The following SYNE2 variants were observed in gnomAD, a reference collection of about 807,000 sequenced individuals.
The protein encoded by SYNE2 is nesprin-2.
In SYNE2, 431 loss-of-function variants were observed where a neutral mutation model predicts 856.3. The ratio of observed to expected loss-of-function variants is 0.50; its 90% CI spans 0.47 to 0.55. SYNE2 has a LOEUF of 0.55. SYNE2 is among the 20% of genes least tolerant of loss of function. The probability of loss-of-function intolerance (pLI) is 0.00; values close to 1 mark genes in which losing one functional copy is unlikely to be tolerated. For missense variants in SYNE2, 8,129 were observed against 8,023.2 expected (o/e 1.01, Z -0.50); for synonymous variants, 2,923 against 2,872.3 (o/e 1.02, Z -0.56).
At chr14:63,833,794 TTTAAG>T (rs1311537853) in intron 1 of SYNE2, among the ~76,000 whole-genome samples, 7 of 152,224 alleles carry the variant, frequency 4.6e-5, no homozygotes, top group Non-Finnish European at 8.8e-5. Flanking sequence ...AAAAAATAAT[TTTAAG>T]TTGATTCATA....
intron 29 of SYNE2, 145 bp from the exon 30 acceptor site, chr14:64,002,575 T>G: frequency 1.2e-6 from 1 of 847,308 alleles, no homozygotes; most frequent in Non-Finnish European, 1.8e-6. Flanking sequence ...TTAAAATGTT[T>G]CCTTAGGTAG....
chr14:63,899,013 T>G (rs1010379562), intron 1 of SYNE2, among the ~76,000 whole-genome samples: 13 of 152,184 alleles, frequency 8.5e-5, no homozygotes. Context: ...ATTAAACAAT[T>G]AAAAGTTAAT....
rs143953516 is a variant in SYNE2, at chr14:63,822,584, G to A, written c.-304-29917G>A. ...AAAAACAATTAAAAAGGAAAACTGTGGAATGAGATGTTCATGTGAAAATTT... is the reference window on the plus strand; with the variant it reads ...AAAAACAATTAAAAAGGAAAACTGTAGAATGAGATGTTCATGTGAAAATTT... On this transcript the variant is annotated intron_variant, in intron 1 of 23. Transcript: ENST00000674003. Among the ~76,000 whole-genome samples, 4 of 152,254 alleles carry A rather than the reference G, an allele frequency of 2.6e-5. No individual in the cohort carries two copies. The East Asian group carries it at 7.7e-4, about 29-fold the overall frequency.
chr14:63,761,996 T>G, intron 1 of SYNE2: 1 of 436,138 alleles, frequency 2.3e-6, no homozygotes. Context: ...GGTAATAGGT[T>G]TTGACAAGTT....
At chr14:63,826,975 T>C (rs1889453182) in intron 1 of SYNE2, among the ~76,000 whole-genome samples, 1 of 152,100 alleles carries the variant, frequency 6.6e-6, no homozygotes, top group Non-Finnish European at 1.5e-5. Flanking sequence ...TTAGTATCCT[T>C]AATATATAAA....
At chr14:63,800,181 G>A (rs8005553) in intron 1 of SYNE2, among the ~76,000 whole-genome samples, 96,135 of 152,062 alleles carry the variant, frequency 0.63, 30,858 homozygotes, top group South Asian at 0.75. Flanking sequence ...GAGGATGAAA[G>A]GCAATTAGTC....
chr14:64,206,851 C>A (rs1181007207), intron 100 of SYNE2, among the ~76,000 whole-genome samples: 1 of 152,086 alleles, frequency 6.6e-6, no homozygotes, highest in Non-Finnish European at 1.5e-5. Context: ...TATTTTAATA[C>A]CAGTATTAGG....
At chr14:63,773,803 A>T (rs1339442708) in intron 1 of SYNE2, among the ~76,000 whole-genome samples, 2 of 152,192 alleles carry the variant, frequency 1.3e-5, no homozygotes, top group African/African-American at 4.8e-5. Flanking sequence ...TTTTACATGA[A>T]AAGTGCAGAT....
intron 60 of SYNE2, among the ~76,000 whole-genome samples, chr14:64,092,053 A>G (rs2097622475): frequency 6.6e-6 from 1 of 152,238 alleles, no homozygotes; most frequent in Non-Finnish European, 1.5e-5. Flanking sequence ...TGTAACACCT[A>G]CAGAGAGAAA....
intron 1 of SYNE2, among the ~76,000 whole-genome samples, chr14:63,821,678 G>C (rs1401464363): frequency 6.6e-6 from 1 of 151,312 alleles, no homozygotes; most frequent in Non-Finnish European, 1.5e-5. Flanking sequence ...ACTTGAACCT[G>C]GGAGGCAGAG....
rs1480708525 is a variant in SYNE2 at position 63,963,896 on chromosome 14, C to T, written c.889-3C>T. The stretch of plus-strand genomic sequence containing the variant: ...AGTTTAATTTTGTGTGTGTAAAATA[C>T]AGGGAAAGGTGAAAGATGCTATGGG... On this transcript the variant is annotated splice_polypyrimidine_tract_variant and splice_region_variant and intron_variant, in intron 9 of 115. Transcript: ENST00000555002. The T allele has an allele frequency of 1.2e-6, 2 of 1,606,600 alleles. No homozygotes were observed. Among genetic ancestry groups the T allele is most frequent in the Admixed American group, 1.7e-5 (1 of 59,978 alleles).
In SYNE2 at chr14:63,895,600, A is replaced by G. The variant is rs567982802; in HGVS notation, c.-51-13498A>G. Among the ~76,000 whole-genome samples, 7 of 150,948 alleles carry G rather than the reference A, an allele frequency of 4.6e-5. No individual in the cohort carries two copies. The East Asian group carries it at 9.7e-4, about 21-fold the overall frequency. On this transcript the variant is annotated intron_variant, in intron 1 of 115. Transcript: ENST00000555002. Reference sequence around the variant, plus strand: ...AGATCCTGTCTCTATCAAAAAAAAAAAAAAAAAAAAATTCAGAAATTAGCT... The same window carrying G: ...AGATCCTGTCTCTATCAAAAAAAAAGAAAAAAAAAAATTCAGAAATTAGCT...
intron 1 of SYNE2, among the ~76,000 whole-genome samples, chr14:63,798,922 T>C (rs1888026529): frequency 6.6e-6 from 1 of 152,186 alleles, no homozygotes; most frequent in South Asian, 2.1e-4. Flanking sequence ...ATGCCAGAGA[T>C]GACCCGATAT....
At chr14:64,092,425 CGTT>C in intron 60 of SYNE2, among the ~76,000 whole-genome samples, 1 of 152,126 alleles carries the variant, frequency 6.6e-6, no homozygotes. Context: ...TAAGTACCCT[CGTT>C]GTAGAAAATA....
intron 82 of SYNE2, 112 bp downstream of exon 82, chr14:64,142,200 G>A: frequency 7.7e-7 from 1 of 1,300,450 alleles, no homozygotes; most frequent in Non-Finnish European, 1.1e-6. Context: ...CTAATTCTAG[G>A]GGTAGGAAAC....
In SYNE2 at chr14:63,941,729, C is replaced by T; in HGVS notation, c.176C>T (p.Thr59Ile). 2.5e-6 allele frequency: 4 copies of T among 1,614,132 alleles called. No individual in the cohort carries two copies. The highest frequency in any genetic ancestry group is 3.4e-6 in the Non-Finnish European group (4 of 1,180,000). ...TSPSVISDLF[T>I]DIKKGHVLLD... Reference sequence around the variant, plus strand: ...CCCTCAGTTATATCCGACCTATTCACAGACATTAAAAAGGGGCATGTCCTC... The same window carrying T: ...CCCTCAGTTATATCCGACCTATTCATAGACATTAAAAAGGGGCATGTCCTC... Residue 59 changes from threonine (T) to isoleucine (I), a missense_variant, in exon 4 of 116, where the codon ACA becomes ATA. Coordinates refer to ENST00000555002, the MANE Select transcript of SYNE2 (RefSeq NM_182914.3).
intron 45 of SYNE2, among the ~76,000 whole-genome samples, chr14:64,035,255 A>G (rs2097077629): frequency 6.6e-6 from 1 of 152,072 alleles, no homozygotes; most frequent in African/African-American, 2.4e-5. Flanking sequence ...CAAAGCCTGG[A>G]GTCAGAATTT....
chr14:63,814,844 C>A (rs1249474565), intron 1 of SYNE2, among the ~76,000 whole-genome samples: 1 of 103,392 alleles, frequency 9.7e-6, no homozygotes. Flanking sequence ...ATACATATCT[C>A]CATATATATC....
intron 10 of SYNE2, among the ~76,000 whole-genome samples, chr14:63,964,691 A>G (rs2096366566): frequency 6.6e-6 from 1 of 151,760 alleles, no homozygotes; most frequent in Non-Finnish European, 1.5e-5. Flanking sequence ...TGCCCAGCTA[A>G]TTTTGTGTTT....
Sources: allele counts gnomAD v4.1 joint callset (sites outside exome capture counted in the v4.1 genomes callset), GRCh38; gene constraint gnomAD v4.1.1; transcripts MANE v1.5; gene names NCBI Gene and HGNC (gene_info 2026-07-23, HGNC 2026-07-21).